Variants in ABCC9 observed in about 807,000 individuals in gnomAD.
ABCC9 encodes the protein ATP-binding cassette sub-family C member 9.
A neutral mutation model predicts 188.3 loss-of-function variants in ABCC9; 95 were observed. That is an observed-to-expected ratio of 0.50 (90% CI 0.43 to 0.60). The LOEUF (loss-of-function observed/expected upper bound fraction) is 0.60. Ranked by LOEUF, ABCC9 falls within the 20% of genes least tolerant of loss-of-function variation. ABCC9 has a pLI of 0.00. For synonymous variants in ABCC9, 659 were observed against 652.7 expected (o/e 1.01, Z -0.15); for missense variants, 1,102 against 1,876.3 (o/e 0.59, Z 7.62).
At chr12:21,909,134 T>G (rs188280985) in intron 10 of ABCC9, among the ~76,000 whole-genome samples, 166 of 152,084 alleles carry the variant, frequency 1.1e-3, no homozygotes, top group African/African-American at 3.8e-3. Flanking sequence ...ATGCAGTCAT[T>G]CAGAGACTTT....
At chr12:21,934,416 C>G (rs1949406823) in intron 3 of ABCC9, among the ~76,000 whole-genome samples, 1 of 152,044 alleles carries the variant, frequency 6.6e-6, no homozygotes, top group South Asian at 2.1e-4. Context: ...TTATGTATGA[C>G]TAGGCAGGCA....
chr12:21,934,774 G>A (rs140281405), intron 3 of ABCC9, among the ~76,000 whole-genome samples: 186 of 152,114 alleles, frequency 1.2e-3, no homozygotes, highest in African/African-American at 4.3e-3. Flanking sequence ...AAGAACAAAT[G>A]GGGGTTTGGG....
In ABCC9 at chr12:21,799,501, T is replaced by C. The variant is rs1941333560; in HGVS notation, c.*1543A>G. Reference sequence around the variant, plus strand: ...GTTATTTTCTTCCAAGGAAGTTTTATATACACAACAAAAGGTTACAATTTA... The same window carrying C: ...GTTATTTTCTTCCAAGGAAGTTTTACATACACAACAAAAGGTTACAATTTA... On this transcript the variant is annotated 3_prime_UTR_variant, in exon 40 of 40. Coordinates refer to ENST00000261200, the MANE Select transcript of ABCC9 (RefSeq NM_020297.4). 1 of 152,202 alleles carries C rather than the reference T, an allele frequency of 6.6e-6. No individual in the cohort carries two copies. Among genetic ancestry groups the C allele is most frequent in the South Asian group, 2.1e-4 (1 of 4,836 alleles). The allele number at this position is 152,202 out of a possible 1,614,324, so 9.4% of individuals were successfully genotyped here.
At chr12:21,862,043 C>G (rs891817166) in intron 20 of ABCC9, among the ~76,000 whole-genome samples, 1 of 151,710 alleles carries the variant, frequency 6.6e-6, no homozygotes, top group East Asian at 1.9e-4. Context: ...GTAGTAGAGT[C>G]ATTCTTCATT....
chr12:21,914,740 T>C (rs115819281), intron 7 of ABCC9, among the ~76,000 whole-genome samples: 1 of 152,242 alleles, frequency 6.6e-6, no homozygotes, highest in African/African-American at 2.4e-5. Context: ...CAGTACTCAC[T>C]CTATCCTTCC....
intron 16 of ABCC9, among the ~76,000 whole-genome samples, chr12:21,881,176 A>T (rs1036707258): frequency 1.3e-5 from 2 of 152,182 alleles, no homozygotes; most frequent in Non-Finnish European, 2.9e-5. Flanking sequence ...TCAGGGAAAA[A>T]TATAAGAAGA....
chr12:21,819,775 GCACTAAAATTTAATTC>G (rs1338476571), intron 31 of ABCC9, among the ~76,000 whole-genome samples: 1 of 151,992 alleles, frequency 6.6e-6, no homozygotes, highest in Non-Finnish European at 1.5e-5. Context: ...GTTAAAGCAG[GCACTAAAATTTAATTC>G]CATATTGATG....
At chr12:21,880,452 C>G (rs936657973) in intron 16 of ABCC9, among the ~76,000 whole-genome samples, 12 of 151,928 alleles carry the variant, frequency 7.9e-5, no homozygotes, top group African/African-American at 2.7e-4. Flanking sequence ...AGTGGAAAGC[C>G]AAGTTACACA....
Position 21,882,446 on chromosome 12 carries a change from T to C in ABCC9, c.2019+320A>G, listed in dbSNP as rs1006018878. Among the ~76,000 whole-genome samples, 8 of 152,310 alleles carry C rather than the reference T, an allele frequency of 5.3e-5. No homozygotes were observed. The East Asian group carries it at 1.3e-3, about 26-fold the overall frequency. On this transcript the variant is annotated intron_variant, in intron 16 of 39. Transcript: ENST00000261200. Reference sequence around the variant, plus strand: ...CTGAAATTTGAACTTATAATATTGGTATTCTCATTAATCAATTTATTTGGT... The same window carrying C: ...CTGAAATTTGAACTTATAATATTGGCATTCTCATTAATCAATTTATTTGGT...
At chr12:21,893,103 G>A (rs1947246212) in intron 14 of ABCC9, among the ~76,000 whole-genome samples, 1 of 152,034 alleles carries the variant, frequency 6.6e-6, no homozygotes. Context: ...CTTATTTATG[G>A]GAGCATAAGA....
At chr12:21,936,420 C>T (rs1032366390) in intron 3 of ABCC9, 113 bp downstream of exon 3, 3 of 924,252 alleles carry the variant, frequency 3.2e-6, no homozygotes, top group African/African-American at 3.4e-5. Flanking sequence ...GTTCGTTTCT[C>T]ACAGCCATCA....
chr12:21,910,073 C>A lies in ABCC9; in HGVS notation c.1320+84G>T, dbSNP rs1029408723. On this transcript the variant is annotated intron_variant, in intron 10 of 39. Coordinates refer to ENST00000261200, the MANE Select transcript of ABCC9 (RefSeq NM_020297.4). ...TATTTGCACATTCAAAAACTATACACCTTTTACAGAGCTAAATACATTACT... is the reference window on the plus strand; with the variant it reads ...TATTTGCACATTCAAAAACTATACAACTTTTACAGAGCTAAATACATTACT... The A allele has an allele frequency of 7.7e-5, 101 of 1,308,114 alleles. No individual in the cohort carries two copies. In the South Asian group the frequency reaches 1.1e-3, roughly 15 times the overall value. 81.0% of individuals were successfully genotyped at this position (1,308,114 alleles called of 1,614,324 possible).
chr12:21,924,811 C>T (rs993609159), intron 5 of ABCC9: 2 of 152,030 alleles, frequency 1.3e-5, no homozygotes, highest in East Asian at 1.9e-4. Flanking sequence ...GTCTGCCTCT[C>T]ATTTTGCACA....
chr12:21,799,688 G>C lies in ABCC9; in HGVS notation c.*1356C>G, dbSNP rs1941340506. ...CAATAAACAGAACACAGAAACTATA[G>C]GAAAGTGGCATAATTTCTCTTAATT... On this transcript the variant is annotated 3_prime_UTR_variant, in exon 40 of 40. Transcript: ENST00000261200. 2 of 152,040 alleles carry C rather than the reference G, an allele frequency of 1.3e-5. No homozygotes were observed. The highest frequency in any genetic ancestry group is 2.4e-5 in the African/African-American group (1 of 41,394). The allele number at this position is 152,040 out of a possible 1,614,324, so 9.4% of individuals were successfully genotyped here.
chr12:21,819,398 G>C (rs1450287909), intron 31 of ABCC9, among the ~76,000 whole-genome samples: 1 of 152,120 alleles, frequency 6.6e-6, no homozygotes, highest in Non-Finnish European at 1.5e-5. Context: ...AAAGAATGAA[G>C]ATGTTTCTCA....
At chr12:21,824,861 A>G (rs2137244342) in intron 31 of ABCC9, among the ~76,000 whole-genome samples, 1 of 151,986 alleles carries the variant, frequency 6.6e-6, no homozygotes, top group Admixed American at 6.6e-5. Context: ...TTTTTATTGC[A>G]TGTATTTGAT....
intron 12 of ABCC9, among the ~76,000 whole-genome samples, chr12:21,902,906 T>C (rs143789188): frequency 0.99 from 150,854 of 152,304 alleles, 74,725 homozygotes; most frequent in East Asian, 1. Flanking sequence ...TTCCAATCAA[T>C]AGAAAAAGAG....
At chr12:21,885,747 C>T (rs1444276141) in intron 15 of ABCC9, among the ~76,000 whole-genome samples, 2 of 152,168 alleles carry the variant, frequency 1.3e-5, no homozygotes, top group Non-Finnish European at 2.9e-5. Context: ...CAGACAAAAT[C>T]ACACCCGTTC....
intron 31 of ABCC9, among the ~76,000 whole-genome samples, chr12:21,820,403 G>A (rs1442583444): frequency 6.6e-6 from 1 of 151,982 alleles, no homozygotes; most frequent in Non-Finnish European, 1.5e-5. Flanking sequence ...AAAAATGTAA[G>A]TCAGGTCATA....
Sources: gnomAD v4.1 joint callset for allele counts (sites outside exome capture counted in the v4.1 genomes callset) on GRCh38, gnomAD v4.1.1 for gene constraint, MANE v1.5 for transcripts, NCBI Gene and HGNC (gene_info 2026-07-23, HGNC 2026-07-21) for gene names.